MAGI1: variants seen among roughly 807,000 people sequenced by gnomAD.
MAGI1 encodes the protein membrane-associated guanylate kinase, WW and PDZ domain-containing protein 1.
A neutral mutation model predicts 139.9 loss-of-function variants in MAGI1; 58 were observed. The observed-to-expected ratio is 0.41, with a 90% CI of 0.34 to 0.52. MAGI1 has a LOEUF of 0.52. Among genes scored for constraint, MAGI1 ranks in the 20% least tolerant of loss-of-function variants. The pLI is 0.12. For synonymous variants in MAGI1, 812 were observed against 737.9 expected, an observed-to-expected ratio of 1.10 and a Z score of -1.63; for missense variants, 1,874 against 1,901.6, an observed-to-expected ratio of 0.99 and a Z score of 0.27.
intron 1 of MAGI1, among the ~76,000 whole-genome samples, chr3:65,893,110 G>T (rs1260839116): frequency 6.6e-6 from 1 of 152,086 alleles, no homozygotes; most frequent in African/African-American, 2.4e-5. Flanking sequence ...AGGCTACACT[G>T]GTAAAAGGCT....
intron 1 of MAGI1, among the ~76,000 whole-genome samples, chr3:65,929,372 C>G (rs890394285): frequency 8.0e-5 from 12 of 150,760 alleles, no homozygotes; most frequent in African/African-American, 2.9e-4. Flanking sequence ...GACCGAGTCT[C>G]GCTCTGTCAC....
intron 1 of MAGI1, among the ~76,000 whole-genome samples, chr3:65,682,629 C>G (rs2088643): frequency 0.011 from 1,674 of 152,110 alleles, 33 homozygotes; most frequent in African/African-American, 0.038. Flanking sequence ...AAATGTAAAA[C>G]TATACAACTT....
At chr3:65,533,985 A>G (rs1455525204) in intron 2 of MAGI1, among the ~76,000 whole-genome samples, 3 of 152,226 alleles carry the variant, frequency 2.0e-5, no homozygotes, top group African/African-American at 4.8e-5. Flanking sequence ...TTCTCTGGCC[A>G]TACTCAAGAC....
intron 1 of MAGI1, among the ~76,000 whole-genome samples, chr3:65,736,729 G>T (rs2034771194): frequency 6.6e-6 from 1 of 152,176 alleles, no homozygotes; most frequent in Non-Finnish European, 1.5e-5. Context: ...GCCAGCAAAG[G>T]ACTGGATGAT....
At chr3:65,396,326 C>T (rs1375167395) in intron 13 of MAGI1, among the ~76,000 whole-genome samples, 2 of 152,118 alleles carry the variant, frequency 1.3e-5, no homozygotes, top group Non-Finnish European at 2.9e-5. Context: ...GAAATGGGCT[C>T]AATTAAAAAA....
intron 2 of MAGI1, among the ~76,000 whole-genome samples, chr3:65,565,623 G>A (rs2080580284): frequency 6.6e-6 from 1 of 152,070 alleles, no homozygotes; most frequent in Admixed American, 6.6e-5. Flanking sequence ...TTGGGAGGCT[G>A]AGGCAGGCAG....
At chr3:65,568,909 T>C (rs2080810408) in intron 2 of MAGI1, among the ~76,000 whole-genome samples, 2 of 152,210 alleles carry the variant, frequency 1.3e-5, no homozygotes, top group African/African-American at 4.8e-5. Context: ...AATATCCACG[T>C]ATAATTTTAT....
intron 1 of MAGI1, among the ~76,000 whole-genome samples, chr3:65,862,270 T>C (rs574616556): frequency 1.3e-5 from 2 of 152,262 alleles, no homozygotes; most frequent in South Asian, 2.1e-4. Context: ...TTTTCTTCTA[T>C]AAAATGGGGA....
intron 2 of MAGI1, among the ~76,000 whole-genome samples, chr3:65,516,920 G>C (rs948788055): frequency 2.0e-5 from 3 of 150,208 alleles, no homozygotes; most frequent in African/African-American, 4.9e-5. Flanking sequence ...AGTAGAGACG[G>C]GGTTTCACCG....
chr3:65,515,341 T>C (rs2107774846), intron 2 of MAGI1, among the ~76,000 whole-genome samples: 1 of 152,268 alleles, frequency 6.6e-6, no homozygotes, highest in South Asian at 2.1e-4. Flanking sequence ...CAGCAATTTT[T>C]TAAATTAACC....
chr3:65,634,073 C>T (rs2084461898), intron 1 of MAGI1, among the ~76,000 whole-genome samples: 1 of 152,114 alleles, frequency 6.6e-6, no homozygotes, highest in African/African-American at 2.4e-5. Context: ...ATCCTTACTC[C>T]CACCCAATGA....
chr3:65,976,394 C>T (rs1378703256), intron 1 of MAGI1, among the ~76,000 whole-genome samples: 1 of 152,006 alleles, frequency 6.6e-6, no homozygotes, highest in Non-Finnish European at 1.5e-5. Context: ...TGTGGGGAGA[C>T]GGAGGAGGGT....
chr3:65,934,261 AT>A (rs11336809), intron 1 of MAGI1, among the ~76,000 whole-genome samples: 66,502 of 145,614 alleles, frequency 0.46, 15,563 homozygotes, highest in East Asian at 0.79. Flanking sequence ...ATATTTTACC[AT>A]TTTTTTTTTT....
chr3:66,018,860 C>A (rs908481788), intron 1 of MAGI1, among the ~76,000 whole-genome samples: 22 of 152,214 alleles, frequency 1.4e-4, no homozygotes, highest in Admixed American at 5.2e-4. Flanking sequence ...GATCACCTCT[C>A]GCTCTTCCCT....
intron 1 of MAGI1, among the ~76,000 whole-genome samples, chr3:65,880,215 C>T (rs2060268815): frequency 6.6e-6 from 1 of 152,022 alleles, no homozygotes; most frequent in Non-Finnish European, 1.5e-5. Flanking sequence ...GCACTCCAAC[C>T]TGGGTGACAG....
intron 1 of MAGI1, among the ~76,000 whole-genome samples, chr3:65,855,431 T>C (rs2059341950): frequency 6.7e-6 from 1 of 149,420 alleles, no homozygotes; most frequent in Admixed American, 6.7e-5. Flanking sequence ...ATAAAGTAAC[T>C]TTAAAAATAA....
At chr3:65,918,121 C>T (rs1011316390) in intron 1 of MAGI1, among the ~76,000 whole-genome samples, 2 of 145,294 alleles carry the variant, frequency 1.4e-5, no homozygotes, top group African/African-American at 5.1e-5. Context: ...AACAGCTACT[C>T]AGAAAAATAA....
intron 3 of MAGI1, among the ~76,000 whole-genome samples, chr3:65,481,532 T>C (rs1408214797): frequency 2.0e-5 from 3 of 152,228 alleles, no homozygotes; most frequent in Admixed American, 1.3e-4. Flanking sequence ...TTAATCATTA[T>C]TATATCACGA....
intron 1 of MAGI1, among the ~76,000 whole-genome samples, chr3:66,036,338 G>A (rs528735492): frequency 6.6e-6 from 1 of 152,280 alleles, no homozygotes; most frequent in East Asian, 1.9e-4. Context: ...GGCCAGGAAA[G>A]GTTTTGAACC....
Sources: allele counts gnomAD v4.1 joint callset (sites outside exome capture counted in the v4.1 genomes callset), GRCh38; gene constraint gnomAD v4.1.1; transcripts MANE v1.5; gene names NCBI Gene and HGNC (gene_info 2026-07-23, HGNC 2026-07-21).